GPHN: variants seen among roughly 807,000 people sequenced by gnomAD.
GPHN encodes the protein gephyrin.
GPHN carries 17 observed loss-of-function variants against 95.5 expected under a neutral mutation model. The observed-to-expected ratio is 0.18, with a 90% CI of 0.12 to 0.27. The LOEUF (loss-of-function observed/expected upper bound fraction) is 0.27. Ranked by LOEUF, GPHN falls within the 10% of genes least tolerant of loss-of-function variation. GPHN has a pLI of 1.00. For synonymous variants in GPHN, 320 were observed against 322.5 expected (o/e 0.99, Z 0.08); for missense variants, 660 against 978.1 (o/e 0.67, Z 4.34).
At chr14:66,774,265 G>C (rs1402339254) in intron 2 of GPHN, among the ~76,000 whole-genome samples, 1 of 152,074 alleles carries the variant, frequency 6.6e-6, no homozygotes, top group South Asian at 2.1e-4. Context: ...GGCTCCCAAA[G>C]TGCTGGGATT....
chr14:66,626,839 T>C (rs574538925), intron 1 of GPHN, among the ~76,000 whole-genome samples: 1 of 152,194 alleles, frequency 6.6e-6, no homozygotes, highest in East Asian at 1.9e-4. Context: ...GAGATTCTCA[T>C]GGAAAATCAA....
chr14:67,563,805 C>T, the GPHN span, among the ~76,000 whole-genome samples: 1 of 149,206 alleles, frequency 6.7e-6, no homozygotes, highest in Non-Finnish European at 1.5e-5. Flanking sequence ...ACGGTCTCGG[C>T]TCACTGCAAC....
the GPHN span, among the ~76,000 whole-genome samples, chr14:67,694,983 T>TC: frequency 6.6e-6 from 1 of 152,162 alleles, no homozygotes; most frequent in Non-Finnish European, 1.5e-5. Flanking sequence ...GATTGATCTA[T>TC]CACCTGGTCA....
chr14:66,955,548 T>A (rs2068435343), intron 8 of GPHN, among the ~76,000 whole-genome samples: 1 of 152,184 alleles, frequency 6.6e-6, no homozygotes, highest in Non-Finnish European at 1.5e-5. Context: ...CGTTTTGTTA[T>A]TACTTTTATT....
the GPHN span, among the ~76,000 whole-genome samples, chr14:67,717,347 G>A: frequency 6.6e-6 from 1 of 152,190 alleles, no homozygotes; most frequent in Non-Finnish European, 1.5e-5. Flanking sequence ...CTAATGGAGT[G>A]ATTAGAGGTA....
At chr14:66,784,721 A>G (rs774502877) in intron 3 of GPHN, among the ~76,000 whole-genome samples, 2 of 152,210 alleles carry the variant, frequency 1.3e-5, no homozygotes, top group Non-Finnish European at 2.9e-5. Flanking sequence ...TAAGAAAAGT[A>G]TACAAAGCAA....
At chr14:67,226,883 C>T in the GPHN span, among the ~76,000 whole-genome samples, 1,267 of 152,220 alleles carry the variant, frequency 8.3e-3, 20 homozygotes, top group African/African-American at 0.028. Flanking sequence ...GTGGAGACAG[C>T]GATGGGTGGC....
intron 2 of GPHN, among the ~76,000 whole-genome samples, chr14:66,770,773 G>A (rs2059136165): frequency 6.6e-6 from 1 of 152,030 alleles, no homozygotes; most frequent in Non-Finnish European, 1.5e-5. Context: ...AATATTGAGA[G>A]AAAGTTATTA....
the GPHN span, among the ~76,000 whole-genome samples, chr14:67,639,697 G>A: frequency 2.6e-5 from 4 of 152,106 alleles, no homozygotes; most frequent in Admixed American, 1.3e-4. Flanking sequence ...GAGGCAGGTG[G>A]ATCACTTGCG....
At chr14:67,501,228 G>A in the GPHN span, among the ~76,000 whole-genome samples, 2 of 152,122 alleles carry the variant, frequency 1.3e-5, no homozygotes, top group Non-Finnish European at 2.9e-5. Context: ...CAGAGTCATG[G>A]CAGTGGAGTT....
chr14:67,539,324 T>C, the GPHN span, among the ~76,000 whole-genome samples: 2 of 152,298 alleles, frequency 1.3e-5, no homozygotes, highest in Admixed American at 6.5e-5. Flanking sequence ...GTCCTAGTCT[T>C]TTGAGATGGG....
the GPHN span, among the ~76,000 whole-genome samples, chr14:67,656,261 A>T: frequency 7.9e-5 from 12 of 150,948 alleles, no homozygotes; most frequent in Admixed American, 6.6e-5. Flanking sequence ...AAAAAAAAAA[A>T]TTAATAAATA....
At chr14:67,732,307 G>A in the GPHN span, among the ~76,000 whole-genome samples, 1 of 151,260 alleles carries the variant, frequency 6.6e-6, no homozygotes, top group Non-Finnish European at 1.5e-5. Flanking sequence ...GCATTGTGGT[G>A]CATGCCTGTA....
chr14:67,388,933 C>A, the GPHN span, among the ~76,000 whole-genome samples: 1 of 152,110 alleles, frequency 6.6e-6, no homozygotes, highest in Non-Finnish European at 1.5e-5. Flanking sequence ...CCCTCCTCAG[C>A]CTCCCAAAGT....
the GPHN span, among the ~76,000 whole-genome samples, chr14:67,707,371 G>A: frequency 3.3e-5 from 5 of 152,236 alleles, no homozygotes; most frequent in East Asian, 9.6e-4. Context: ...GACAAATTAT[G>A]GTAGGACTTG....
intron 2 of GPHN, among the ~76,000 whole-genome samples, chr14:66,711,199 C>G (rs140681433): frequency 2.0e-3 from 304 of 152,260 alleles, no homozygotes; most frequent in African/African-American, 7.1e-3. Context: ...CCCCTCCACC[C>G]TTACTCCCAA....
chr14:66,977,163 G>A (rs1034050964), intron 9 of GPHN, among the ~76,000 whole-genome samples: 2 of 152,116 alleles, frequency 1.3e-5, no homozygotes, highest in Admixed American at 6.5e-5. Context: ...CGGGCGCGGT[G>A]GCTCATGCCT....
At chr14:67,662,671 C>G in the GPHN span, 5 of 787,324 alleles carry the variant, frequency 6.4e-6, no homozygotes, top group Non-Finnish European at 7.7e-6. Context: ...TTTGGGAGGC[C>G]AAGGCAGGTG....
At chr14:67,583,731 T>C in the GPHN span, 1 of 1,608,398 alleles carries the variant, frequency 6.2e-7, no homozygotes, top group Admixed American at 1.7e-5. Context: ...TTCATATGCT[T>C]CTACCACAGG....
Sources: gnomAD v4.1 joint callset for allele counts (sites outside exome capture counted in the v4.1 genomes callset) on GRCh38, gnomAD v4.1.1 for gene constraint, MANE v1.5 for transcripts, NCBI Gene and HGNC (gene_info 2026-07-23, HGNC 2026-07-21) for gene names.